CDH13: variants seen among roughly 807,000 people sequenced by gnomAD.
CDH13 encodes cadherin 13.
A neutral mutation model predicts 63.8 loss-of-function variants in CDH13; 24 were observed. That is an observed-to-expected ratio of 0.38 (90% CI 0.27 to 0.53). The LOEUF (loss-of-function observed/expected upper bound fraction) is 0.53. CDH13 is among the 20% of genes least tolerant of loss of function. The probability of loss-of-function intolerance (pLI) is 0.85; values close to 1 mark genes in which losing one functional copy is unlikely to be tolerated. For synonymous variants in CDH13, 503 were observed against 355.3 expected (o/e 1.42, Z -4.67); for missense variants, 1,049 against 903.1 (o/e 1.16, Z -2.07).
chr16:83,088,398 T>A (rs2033720251), intron 3 of CDH13, among the ~76,000 whole-genome samples: 1 of 152,162 alleles, frequency 6.6e-6, no homozygotes, highest in Admixed American at 6.5e-5. Flanking sequence ...CAATTTGCAA[T>A]CCCCTTTATT....
rs191411659 is a variant in CDH13, at chr16:83,049,960, T to C, written c.366+17742T>C. ...TATTATCTGGATTTCATTAAGATGA[T>C]GCTACAAAAATAGTAATTGTTAGTA... On this transcript the variant is annotated intron_variant, in intron 3 of 13. Coordinates refer to ENST00000567109, the MANE Select transcript of CDH13 (RefSeq NM_001257.5). Among the ~76,000 whole-genome samples, 421 of 152,326 alleles carry C rather than the reference T, an allele frequency of 2.8e-3. 2 individuals carry two copies. Among genetic ancestry groups the C allele is most frequent in the African/African-American group, 9.3e-3 (388 of 41,574 alleles).
At chr16:82,860,426 C>A (rs943417612) in intron 2 of CDH13, among the ~76,000 whole-genome samples, 8 of 149,990 alleles carry the variant, frequency 5.3e-5, no homozygotes, top group Non-Finnish European at 8.9e-5. Context: ...TGCTTTAATC[C>A]CCTAAGTAAT....
At chr16:83,185,779 A>T (rs2038498427) in intron 4 of CDH13, among the ~76,000 whole-genome samples, 1 of 152,220 alleles carries the variant, frequency 6.6e-6, no homozygotes, top group Non-Finnish European at 1.5e-5. Flanking sequence ...ACAGAATCAT[A>T]AGTGGTGACA....
At chr16:82,874,043 G>C (rs1300141217) in intron 2 of CDH13, among the ~76,000 whole-genome samples, 2 of 113,178 alleles carry the variant, frequency 1.8e-5, no homozygotes, top group African/African-American at 7.3e-5. Context: ...AATTTAGAAA[G>C]ATAATAAGAT....
chr16:83,301,961 A>G (rs1040289954), intron 5 of CDH13, among the ~76,000 whole-genome samples: 12 of 137,790 alleles, frequency 8.7e-5, no homozygotes, highest in Admixed American at 1.6e-4. Flanking sequence ...TCAATAAAGT[A>G]AATTTAAGAA....
chr16:82,961,589 A>AC (rs988253931), intron 2 of CDH13, among the ~76,000 whole-genome samples: 1 of 151,304 alleles, frequency 6.6e-6, no homozygotes, highest in African/African-American at 2.4e-5. Flanking sequence ...AAAAAAAAAA[A>AC]AAAAAAACTA....
intron 7 of CDH13, among the ~76,000 whole-genome samples, chr16:83,569,328 G>A (rs1010707717): frequency 3.3e-5 from 5 of 152,096 alleles, no homozygotes; most frequent in African/African-American, 1.2e-4. Context: ...CAGTACATGT[G>A]GCTACCAGTT....
intron 1 of CDH13, among the ~76,000 whole-genome samples, chr16:82,790,913 A>G (rs2036266163): frequency 6.6e-6 from 1 of 152,218 alleles, no homozygotes; most frequent in Non-Finnish European, 1.5e-5. Context: ...GGTGAGAGAC[A>G]GGACTAGCTG....
chr16:83,652,112 A>G (rs947609699), intron 8 of CDH13, among the ~76,000 whole-genome samples: 3 of 152,180 alleles, frequency 2.0e-5, no homozygotes, highest in Non-Finnish European at 4.4e-5. Flanking sequence ...TCTGGAAGGA[A>G]TATGCGACGT....
At position 83,308,129 on chromosome 16, in the gene CDH13, C is replaced by T. The variant is rs558391383; in HGVS notation, c.637-36733C>T. Among the ~76,000 whole-genome samples the T allele has an allele frequency of 3.7e-4, 57 of 152,256 alleles. 2 individuals carry two copies. Among genetic ancestry groups the T allele is most frequent in the African/African-American group, 1.3e-3 (53 of 41,544 alleles). ...AATCAGAGATAAATATACCTTAACA[C>T]ATTTTTATATTTCATTACTATTCAA... On this transcript the variant is annotated intron_variant, in intron 5 of 13. Coordinates refer to ENST00000567109, the MANE Select transcript of CDH13 (RefSeq NM_001257.5).
intron 5 of CDH13, among the ~76,000 whole-genome samples, chr16:83,221,130 A>G (rs559294341): frequency 6.6e-6 from 1 of 152,332 alleles, no homozygotes; most frequent in Admixed American, 6.5e-5. Context: ...TCAATCACTA[A>G]GAAACACTCT....
intron 12 of CDH13, among the ~76,000 whole-genome samples, chr16:83,781,154 C>T (rs1915492864): frequency 6.6e-6 from 1 of 152,186 alleles, no homozygotes; most frequent in African/African-American, 2.4e-5. Context: ...AGTCCTTCCA[C>T]ATAGGCAGGT....
At chr16:83,560,673 G>T (rs6563930) in intron 7 of CDH13, among the ~76,000 whole-genome samples, 118,378 of 152,248 alleles carry the variant, frequency 0.78, 45,997 homozygotes, top group Middle Eastern at 0.86. Flanking sequence ...GGGCCTCCCT[G>T]CTGTGTGCTC....
chr16:83,768,773 G>A (rs1050752777), intron 11 of CDH13, among the ~76,000 whole-genome samples: 5 of 151,964 alleles, frequency 3.3e-5, no homozygotes, highest in African/African-American at 1.2e-4. Context: ...TGGTTGGAGT[G>A]TAGCAATGAG....
At chr16:83,048,505 T>C (rs1190643627) in intron 3 of CDH13, among the ~76,000 whole-genome samples, 1 of 152,196 alleles carries the variant, frequency 6.6e-6, no homozygotes, top group Non-Finnish European at 1.5e-5. Flanking sequence ...TGAGCACCAC[T>C]CTAAGGCTTT....
chr16:82,684,749 G>A (rs1262591313), intron 1 of CDH13, among the ~76,000 whole-genome samples: 1 of 152,068 alleles, frequency 6.6e-6, no homozygotes, highest in Non-Finnish European at 1.5e-5. Flanking sequence ...CAGAAAGCAC[G>A]GCATTTGAGA....
chr16:83,329,479 T>C (rs1023536289), intron 5 of CDH13, among the ~76,000 whole-genome samples: 1 of 151,924 alleles, frequency 6.6e-6, no homozygotes, highest in African/African-American at 2.4e-5. Flanking sequence ...TCAGGTGATG[T>C]GGCCACCTCG....
chr16:82,813,793 T>C (rs1476798328), intron 1 of CDH13, among the ~76,000 whole-genome samples: 1 of 152,214 alleles, frequency 6.6e-6, no homozygotes. Flanking sequence ...TTACTAACTG[T>C]GCCATTTTGG....
chr16:82,676,871 T>TTTTTGTTTTGTTTTGTTTTG (rs61269039), intron 1 of CDH13, among the ~76,000 whole-genome samples: 25 of 149,392 alleles, frequency 1.7e-4, no homozygotes, highest in Non-Finnish European at 3.4e-4. Context: ...GTTTCTTTGT[T>TTTTTGTTTTGTTTTGTTTTG]TTTTGTTTTG....
Sources: allele counts gnomAD v4.1 joint callset (sites outside exome capture counted in the v4.1 genomes callset), GRCh38; gene constraint gnomAD v4.1.1; transcripts MANE v1.5; gene names NCBI Gene and HGNC (gene_info 2026-07-23, HGNC 2026-07-21).